CLPTM1L: variants seen among roughly 807,000 people sequenced by gnomAD.
CLPTM1L encodes the protein CLPTM1 like.
In CLPTM1L, 38 loss-of-function variants were observed where a neutral mutation model predicts 70.9. The observed-to-expected ratio is 0.54, with a 90% CI of 0.41 to 0.70. CLPTM1L has a LOEUF of 0.70. CLPTM1L is among the 30% of genes least tolerant of loss of function. CLPTM1L has a pLI of 0.00. For synonymous variants in CLPTM1L, 339 were observed against 299.9 expected, an observed-to-expected ratio of 1.13 and a Z score of -1.35; for missense variants, 652 against 705.9, an observed-to-expected ratio of 0.92 and a Z score of 0.87.
intron 16 of CLPTM1L, among the ~76,000 whole-genome samples, chr5:1,319,606 G>A (rs889204390): frequency 6.6e-6 from 1 of 152,228 alleles, no homozygotes; most frequent in Non-Finnish European, 1.5e-5. Flanking sequence ...GGACGGCCTG[G>A]GGGAAGAGGA....
chr5:1,324,501 T>C (rs1168075326), intron 11 of CLPTM1L, among the ~76,000 whole-genome samples: 1 of 152,212 alleles, frequency 6.6e-6, no homozygotes, highest in Admixed American at 6.5e-5. Flanking sequence ...CGAATGTGAC[T>C]TACAAACGAT....
At chr5:1,322,752 C>A in intron 13 of CLPTM1L, 125 bp downstream of exon 13, 1 of 966,972 alleles carries the variant, frequency 1.0e-6, no homozygotes. Context: ...TGTGCCAGAA[C>A]AGGGTGGGGA....
chr5:1,344,987 C>T lies in CLPTM1L; in HGVS notation c.-146G>A, dbSNP rs929943505. On this transcript the variant is annotated 5_prime_UTR_variant, in exon 1 of 17. Coordinates refer to ENST00000320895, the MANE Select transcript of CLPTM1L (RefSeq NM_030782.5). The stretch of plus-strand genomic sequence containing the variant: ...CCACCGCCGCGGGGGAACGAATGCG[C>T]CGCGCGCCGCAGACCGCCGGCCGCC... 1.9e-5 allele frequency: 6 copies of T among 314,224 alleles called. No homozygotes were observed. Among genetic ancestry groups the T allele is most frequent in the Non-Finnish European group, 2.8e-5 (6 of 218,174 alleles). The allele number at this position is 314,224 out of a possible 1,614,324, so 19.5% of individuals were successfully genotyped here.
At chr5:1,324,613 T>C in intron 11 of CLPTM1L, 150 bp downstream of exon 11, 1 of 752,676 alleles carries the variant, frequency 1.3e-6, no homozygotes, top group South Asian at 1.7e-5. Context: ...AAATTTGGGT[T>C]TTATGTGTTC....
chr5:1,339,249 C>T (rs954094264), intron 3 of CLPTM1L, among the ~76,000 whole-genome samples: 5 of 144,458 alleles, frequency 3.5e-5, no homozygotes, highest in African/African-American at 7.8e-5. Flanking sequence ...AAACTGTGCC[C>T]GGGACAGCAG....
intron 9 of CLPTM1L, among the ~76,000 whole-genome samples, chr5:1,328,421 C>CAAT (rs1752792895): frequency 8.2e-6 from 1 of 121,872 alleles, no homozygotes; most frequent in Non-Finnish European, 1.8e-5. Context: ...CAGACACATT[C>CAAT]CATCCAGCTC....
Position 1,332,577 on chromosome 5 carries a change from C to T in CLPTM1L, c.892-694G>A, listed in dbSNP as rs371816377. ...CAGCCTAACAGCCACAAGGATGGCT[C>T]TCCCTAGCAGCTCAGCTCCACGAAC... On this transcript the variant is annotated intron_variant, in intron 7 of 16. Transcript: ENST00000320895. Among the ~76,000 whole-genome samples the T allele has an allele frequency of 9.8e-5, 15 of 152,360 alleles. No individual in the cohort carries two copies. The South Asian group carries it at 3.1e-3, about 32-fold the overall frequency.
intron 7 of CLPTM1L, among the ~76,000 whole-genome samples, chr5:1,332,770 T>C (rs565014026): frequency 6.6e-6 from 1 of 152,382 alleles, no homozygotes; most frequent in South Asian, 2.1e-4. Flanking sequence ...GGGTAATCTC[T>C]TACTGTGCTT....
At chr5:1,323,006 GAA>G in intron 12 of CLPTM1L, 95 bp from the exon 13 acceptor site, 1 of 1,264,952 alleles carries the variant, frequency 7.9e-7, no homozygotes, top group Non-Finnish European at 1.2e-6. Flanking sequence ...AAAATCCTCT[GAA>G]AATACCCAGA....
At chr5:1,336,439 C>A (rs970366606) in intron 5 of CLPTM1L, among the ~76,000 whole-genome samples, 3 of 152,248 alleles carry the variant, frequency 2.0e-5, no homozygotes, top group Admixed American at 2.0e-4. Flanking sequence ...CCCCGGGCCT[C>A]TAACAAGACA....
intron 3 of CLPTM1L, among the ~76,000 whole-genome samples, chr5:1,339,394 A>C (rs1176135218): frequency 8.8e-6 from 1 of 113,790 alleles, no homozygotes; most frequent in Non-Finnish European, 1.8e-5. Flanking sequence ...CAGGGTCAGC[A>C]CCCTAACCTG....
intron 11 of CLPTM1L, among the ~76,000 whole-genome samples, 162 bp downstream of exon 11, chr5:1,324,601 A>T (rs756770262): frequency 2.8e-4 from 43 of 152,350 alleles, no homozygotes; most frequent in Non-Finnish European, 5.4e-4. Flanking sequence ...CTTCCCAGTA[A>T]GAAATTTGGG....
intron 1 of CLPTM1L, 45 bp downstream of exon 1, chr5:1,344,635 G>GC: frequency 3.3e-6 from 5 of 1,535,118 alleles, no homozygotes; most frequent in Non-Finnish European, 4.4e-6. Context: ...TGGAGGAGAG[G>GC]CCCCCACCCC....
chr5:1,335,975 C>T (rs1002481225), intron 5 of CLPTM1L, among the ~76,000 whole-genome samples: 7 of 152,204 alleles, frequency 4.6e-5, no homozygotes, highest in Middle Eastern at 6.8e-3. Context: ...GCTGGAACAT[C>T]CAGCGAGGGC....
chr5:1,322,092 G>C (rs989869865), intron 13 of CLPTM1L, among the ~76,000 whole-genome samples: 4 of 152,208 alleles, frequency 2.6e-5, no homozygotes, highest in Non-Finnish European at 4.4e-5. Flanking sequence ...TCAAGTCAGT[G>C]AGAGCACTGG....
chr5:1,321,524 G>A (rs1002917225), intron 15 of CLPTM1L, 111 bp downstream of exon 15: 6 of 941,758 alleles, frequency 6.4e-6, no homozygotes, highest in Non-Finnish European at 1.0e-5. Context: ...AAAGGGACAG[G>A]TGCAGATGCA....
intron 4 of CLPTM1L, 96 bp downstream of exon 4, chr5:1,338,764 G>C: frequency 1.4e-6 from 2 of 1,438,192 alleles, no homozygotes; most frequent in Non-Finnish European, 1.9e-6. Context: ...CCCACAGAGG[G>C]GACTCCACGG....
intron 13 of CLPTM1L, 71 bp from the exon 14 acceptor site, chr5:1,321,890 C>A (rs938758418): frequency 1.4e-6 from 2 of 1,461,096 alleles, no homozygotes; most frequent in Non-Finnish European, 1.9e-6. Flanking sequence ...AGACGGCACT[C>A]ACGAGGTGTG....
rs1751962820 is a variant in CLPTM1L, at chr5:1,318,469, T to C, written c.1533-16A>G. 1 of 1,610,116 alleles carries C rather than the reference T, an allele frequency of 6.2e-7. No homozygotes were observed. The highest frequency in any genetic ancestry group is 8.5e-7 in the Non-Finnish European group (1 of 1,176,992). ...AGGATAAAGCCTGCAATGACACAAATGAGCACATCAGCAAACCCCACTGCA... is the reference window on the plus strand; with the variant it reads ...AGGATAAAGCCTGCAATGACACAAACGAGCACATCAGCAAACCCCACTGCA... On this transcript the variant is annotated splice_polypyrimidine_tract_variant and intron_variant, in intron 16 of 16. Coordinates refer to ENST00000320895, the MANE Select transcript of CLPTM1L (RefSeq NM_030782.5). This position sits in a 1 kb window ranked among gnomAD's most constrained non-coding sequence, Gnocchi z 8.9.
Sources: gnomAD v4.1 joint callset for allele counts (sites outside exome capture counted in the v4.1 genomes callset) on GRCh38, gnomAD v4.1.1 for gene constraint, Gnocchi (gnomAD v3.1) non-coding constraint, MANE v1.5 for transcripts, NCBI Gene and HGNC (gene_info 2026-07-23, HGNC 2026-07-21) for gene names.